ZBTB4: variants seen among roughly 807,000 people sequenced by gnomAD.
ZBTB4 encodes the protein zinc finger and BTB domain-containing protein 4.
Under a neutral mutation model 59.8 loss-of-function variants are expected in ZBTB4, and 14 were observed. The ratio of observed to expected loss-of-function variants is 0.23; its 90% CI spans 0.15 to 0.37. The LOEUF (loss-of-function observed/expected upper bound fraction) is 0.37, where lower values mean the gene tolerates loss of function less well. Ranked by LOEUF, ZBTB4 falls within the 10% of genes least tolerant of loss-of-function variation. The pLI is 1.00. For synonymous variants in ZBTB4, 587 were observed against 575.2 expected (o/e 1.02, Z -0.29); for missense variants, 1,198 against 1,380.8 (o/e 0.87, Z 2.10).
At chr17:7,482,308 C>T (rs1216667525), upstream of ZBTB4, 65 of 1,614,032 alleles carry the variant, frequency 4.0e-5, no homozygotes, top group Non-Finnish European at 5.4e-5. Flanking sequence ...ACTTCTATGC[C>T]CTGCTCAACG....
At position 7,463,441 on chromosome 17, in the gene ZBTB4, G is replaced by C. The variant is rs757070642; in HGVS notation, c.1541C>G (p.Pro514Arg). The C allele has an allele frequency of 1.9e-6, 3 of 1,555,208 alleles. No individual in the cohort carries two copies. The highest frequency in any genetic ancestry group is 1.7e-6 in the Non-Finnish European group (2 of 1,150,710). ...GTATTCTCGTTTCTTGGGTGGCCTC[G>C]GGGGAGCAGTGTAAGTGATAACCGA... ...AASVITYTAP[P>R]RPPKKREYPP... The change falls in exon 4 of 4, where the codon CCG becomes CGG. Residue 514 changes from proline to arginine, a missense_variant. Around this residue, in one of 9 missense-constraint regions of ZBTB4, gnomAD observed 550 missense variants for 541.8 expected, o/e 1.02. Transcript: ENST00000380599.
At position 7,460,267 on chromosome 17, in the gene ZBTB4, G is replaced by A. The variant is rs1291210386; in HGVS notation, c.*1673C>T. On this transcript the variant is annotated 3_prime_UTR_variant, in exon 4 of 4. Coordinates refer to ENST00000380599, the MANE Select transcript of ZBTB4 (RefSeq NM_001128833.2). ...AGGAATGAAGGAGTGACTCCTCTGT[G>A]GTTAACATTCAGGGAGCCTGTCTAA... The A allele has an allele frequency of 6.6e-6, 1 of 152,594 alleles. No homozygotes were observed. Among genetic ancestry groups the A allele is most frequent in the African/African-American group, 2.4e-5 (1 of 41,438 alleles). The allele number at this position is 152,594 out of a possible 1,614,324, so 9.5% of individuals were successfully genotyped here. A position where few individuals can be genotyped will look rare whatever the true frequency, so the allele number is the denominator to read the frequency against.
At chr17:7,468,929 C>T (rs1290765943) in intron 1 of ZBTB4, among the ~76,000 whole-genome samples, 1 of 152,158 alleles carries the variant, frequency 6.6e-6, no homozygotes, top group Non-Finnish European at 1.5e-5. Flanking sequence ...CTGCCAGGGA[C>T]TGATGAGGTT....
chr17:7,481,922 T>C, upstream of ZBTB4: 2 of 1,533,970 alleles, frequency 1.3e-6, no homozygotes, highest in South Asian at 2.6e-5. Context: ...CATCCTGGCA[T>C]CTGCCCTGCC....
upstream of ZBTB4, chr17:7,481,442 C>A: frequency 7.1e-7 from 1 of 1,399,530 alleles, no homozygotes. Context: ...CCCACTCCAA[C>A]CATGTCACAA....
rs553896086 is a variant in ZBTB4 at position 7,474,565 on chromosome 17, G to A, written c.-81+4891C>T. 1.4e-4 allele frequency among the ~76,000 whole-genome samples: 22 copies of A among 152,126 alleles called. 1 individual carries two copies. The East Asian group carries it at 1.9e-3, about 13-fold the overall frequency. On this transcript the variant is annotated intron_variant, in intron 1 of 3. Transcript: ENST00000380599. ...TTTGTTCATTGCCGTATCTGAAGTC[G>A]TTAGAATAGGGCCTAGCACGTAATA...
upstream of ZBTB4, chr17:7,482,580 G>A (rs770045265): frequency 8.1e-6 from 13 of 1,612,294 alleles, no homozygotes; most frequent in Admixed American, 1.7e-5. Flanking sequence ...GCTTTCGTGG[G>A]AGGACTGGCG....
In ZBTB4 at chr17:7,463,828, C is replaced by T. The variant is rs1264927948; in HGVS notation, c.1154G>A (p.Arg385Gln). ...VTYYNLKTHQ[R>Q]AFHGISPGLL... ...GCCCGGGCTAATGCCGTGGAAGGCT[C>T]GCTGGTGGGTCTTCAGGTTATAGTA... Residue 385 changes from arginine to glutamine, a missense_variant, in exon 4 of 4, where the codon CGA becomes CAA. By Grantham distance (43) the Arg-to-Gln change is conservative (BLOSUM62 1). Transcript: ENST00000380599. 2.5e-6 allele frequency: 4 copies of T among 1,614,096 alleles called. No individual in the cohort carries two copies. The highest frequency in any genetic ancestry group is 1.6e-4 in the Middle Eastern group (1 of 6,062).
Position 7,467,323 on chromosome 17 carries a change from TC to T in ZBTB4, c.-77del. The T allele has an allele frequency of 1.1e-6, 1 of 891,838 alleles. No homozygotes were observed. The highest frequency in any genetic ancestry group is 1.3e-6 in the Non-Finnish European group (1 of 743,828). 55.2% of individuals were successfully genotyped at this position (891,838 alleles called of 1,614,324 possible). A position where few individuals can be genotyped will look rare whatever the true frequency, so the allele number is the denominator to read the frequency against. On this transcript the variant is annotated 5_prime_UTR_variant, in exon 2 of 4. It removes the in-frame stop codon of an upstream open reading frame in the 5' UTR. Coordinates refer to ENST00000380599, the MANE Select transcript of ZBTB4 (RefSeq NM_001128833.2). The stretch of plus-strand genomic sequence containing the variant: ...AGCGAGTCCCTTCTGCTGGGCCTCT[TC>T]CTTCTGCGGAGAAACAGAAATTATG...
At chr17:7,464,449 A>C (rs1423305485) in intron 3 of ZBTB4, among the ~76,000 whole-genome samples, 4 of 151,436 alleles carry the variant, frequency 2.6e-5, no homozygotes, top group South Asian at 4.2e-4. Context: ...AAAAAAAAAA[A>C]AAACCTCAGC....
chr17:7,471,756 T>C (rs2070200136), intron 1 of ZBTB4, among the ~76,000 whole-genome samples: 1 of 152,086 alleles, frequency 6.6e-6, no homozygotes, highest in Non-Finnish European at 1.5e-5. Context: ...CCTTGTGGGG[T>C]TGTTGTAAAG....
In ZBTB4 at chr17:7,462,609, C is replaced by T. The variant is rs1470804886; in HGVS notation, c.2373G>A (p.Arg791=). Residue 791 remains arginine (R), a synonymous_variant, in exon 4 of 4, where the codon CGG becomes CGA. Transcript: ENST00000380599. The surrounding 1 kb of genome is among the most constrained non-coding windows in gnomAD (Gnocchi z 7.5). The stretch of plus-strand genomic sequence containing the variant: ...TGACAGGGGTTGGGGTGCCCCCGGG[C>T]CGCTCAGCAGCATGCCTCTGCCCGT... ...SRHGQRHAAE[R]PGGTPTPVIA... is the part of the protein sequence containing the mutation. 5.0e-6 allele frequency: 8 copies of T among 1,609,898 alleles called. No individual in the cohort carries two copies. In the Admixed American group the frequency reaches 1.2e-4, roughly 24 times the overall value.
At chr17:7,467,233 G>A (rs1437462780) in intron 2 of ZBTB4, 24 bp downstream of exon 2, 1 of 1,003,340 alleles carries the variant, frequency 1.0e-6, no homozygotes, top group Non-Finnish European at 1.2e-6. Flanking sequence ...TGTCCTCACT[G>A]TAGGCCTCTG....
At chr17:7,467,190 C>T (rs909059921) in intron 2 of ZBTB4, 67 bp downstream of exon 2, 16 of 1,037,702 alleles carry the variant, frequency 1.5e-5, no homozygotes, top group Non-Finnish European at 1.9e-5. Flanking sequence ...ACAAAATGGC[C>T]GCCCCTGCTG....
intron 1 of ZBTB4, among the ~76,000 whole-genome samples, chr17:7,474,211 A>C (rs2070237315): frequency 8.0e-5 from 5 of 62,676 alleles, no homozygotes; most frequent in Non-Finnish European, 1.3e-4. Context: ...ATGAGCCACC[A>C]TGGCCAGACT....
At chr17:7,465,155 C>CAAAA (rs1248932908) in intron 3 of ZBTB4, among the ~76,000 whole-genome samples, 6 of 52,132 alleles carry the variant, frequency 1.2e-4, no homozygotes, top group African/African-American at 3.5e-4. Flanking sequence ...GACTCTGTCT[C>CAAAA]AAAAAAAAAA....
upstream of ZBTB4, among the ~76,000 whole-genome samples, chr17:7,481,157 C>G (rs1392673935): frequency 9.2e-5 from 10 of 108,410 alleles, no homozygotes; most frequent in Non-Finnish European, 1.6e-4. Context: ...GAGCAAAACT[C>G]CGTCCCAAAA....
chr17:7,462,691 C>T lies in ZBTB4; in HGVS notation c.2291G>A (p.Arg764His), dbSNP rs1036137127. ...CTTGGCGCAGTGGGGGCAGGTAAAG[C>T]GGGTGGAGGGCCTCCGTCCGGCCCG... ...SSRAGRRPST[R>H]FTCPHCAKVC... Residue 764 changes from arginine (R) to histidine (H), a missense_variant, in exon 4 of 4, where the codon CGC (arginine) becomes CAC (histidine). Arg to His is a conservative substitution (Grantham distance 29). Coordinates refer to ENST00000380599, the MANE Select transcript of ZBTB4 (RefSeq NM_001128833.2). This position sits in a 1 kb window ranked among gnomAD's most constrained non-coding sequence, Gnocchi z 7.5. The T allele has an allele frequency of 3.1e-5, 49 of 1,605,656 alleles. No individual in the cohort carries two copies. The highest frequency in any genetic ancestry group is 1.6e-4 in the Middle Eastern group (1 of 6,064).
At chr17:7,478,355 G>A (rs1326172629) in intron 1 of ZBTB4, among the ~76,000 whole-genome samples, 5 of 151,666 alleles carry the variant, frequency 3.3e-5, no homozygotes, top group African/African-American at 1.2e-4. Context: ...GACATACCCC[G>A]GGGTTCCTCG....
Sources: gnomAD v4.1 joint callset for allele counts (sites outside exome capture counted in the v4.1 genomes callset) on GRCh38, gnomAD v4.1.1 for gene constraint, gnomAD v4.1.1 regional missense constraint, Gnocchi (gnomAD v3.1) non-coding constraint, MANE v1.5 for transcripts, NCBI Gene and HGNC (gene_info 2026-07-23, HGNC 2026-07-21) for gene names.